GAB1: variants seen among roughly 807,000 people sequenced by gnomAD.
GAB1 encodes the protein GRB2-associated-binding protein 1.
In GAB1, 19 loss-of-function variants were observed where a neutral mutation model predicts 66.5. The ratio of observed to expected loss-of-function variants is 0.29; its 90% CI spans 0.20 to 0.42. The LOEUF is 0.42. Among genes scored for constraint, GAB1 ranks in the 10% least tolerant of loss-of-function variants. The pLI is 1.00. For synonymous variants in GAB1, 294 were observed against 301.4 expected (o/e 0.98, Z 0.25); for missense variants, 732 against 858.5 (o/e 0.85, Z 1.84).
chr4:143,338,167 C>T (rs1348055129), intron 1 of GAB1, among the ~76,000 whole-genome samples: 2 of 152,150 alleles, frequency 1.3e-5, no homozygotes, highest in Non-Finnish European at 2.9e-5. Flanking sequence ...AAACCTGTGT[C>T]CTCTTCAGAG....
At chr4:143,433,770 C>T in intron 3 of GAB1, 54 bp downstream of exon 3, 7 of 1,363,506 alleles carry the variant, frequency 5.1e-6, no homozygotes, top group South Asian at 4.7e-5. Flanking sequence ...TATGTGTGTA[C>T]ACACTGAGAT....
At chr4:143,352,145 T>C (rs937002289) in intron 1 of GAB1, among the ~76,000 whole-genome samples, 3 of 152,188 alleles carry the variant, frequency 2.0e-5, no homozygotes, top group African/African-American at 7.2e-5. Flanking sequence ...GTACAGCCAA[T>C]TGTTGTCTGG....
chr4:143,459,601 G>A, intron 7 of GAB1, 123 bp downstream of exon 7: 1 of 698,702 alleles, frequency 1.4e-6, no homozygotes, highest in Non-Finnish European at 2.5e-6. Flanking sequence ...CCCCCTTTTT[G>A]GGGGTTCTGT....
intron 1 of GAB1, chr4:143,395,064 G>T (rs1014035690): frequency 6.6e-6 from 1 of 152,204 alleles, no homozygotes; most frequent in Non-Finnish European, 1.5e-5. Flanking sequence ...TAGGGACTGT[G>T]TTAAGAATAG....
At chr4:143,462,691 C>T (rs891523638) in intron 8 of GAB1, among the ~76,000 whole-genome samples, 2 of 151,590 alleles carry the variant, frequency 1.3e-5, no homozygotes, top group African/African-American at 2.4e-5. Flanking sequence ...GACAGATTCT[C>T]TTTCTGTCAC....
At chr4:143,461,802 A>G (rs1335572623) in intron 8 of GAB1, among the ~76,000 whole-genome samples, 2 of 152,306 alleles carry the variant, frequency 1.3e-5, no homozygotes, top group East Asian at 3.9e-4. Flanking sequence ...CCCTATTTAG[A>G]GGTATAAAAT....
intron 6 of GAB1, among the ~76,000 whole-genome samples, chr4:143,453,250 A>G (rs543804591): frequency 1.3e-5 from 2 of 152,286 alleles, no homozygotes; most frequent in South Asian, 4.2e-4. Flanking sequence ...CTTTGCACAG[A>G]GTAGAAAATA....
At position 143,455,522 on chromosome 4, in the gene GAB1, G is replaced by A. The variant is rs530396290; in HGVS notation, c.1586-3863G>A. Among the ~76,000 whole-genome samples, 78 of 152,306 alleles carry A rather than the reference G, an allele frequency of 5.1e-4. 1 individual carries two copies. Among genetic ancestry groups the A allele is most frequent in the Middle Eastern group, 6.8e-3 (2 of 294 alleles). ...AAAAAAATCAGGAGGGAGCTGGAGA[G>A]CTAATGAAAACGGATCTTTCAGACA... On this transcript the variant is annotated intron_variant, in intron 6 of 9. Coordinates refer to ENST00000262994, the MANE Select transcript of GAB1 (RefSeq NM_002039.4).
chr4:143,416,242 A>T (rs1732677081), intron 2 of GAB1, among the ~76,000 whole-genome samples: 1 of 152,024 alleles, frequency 6.6e-6, no homozygotes, highest in African/African-American at 2.4e-5. Flanking sequence ...TGTCTCTACT[A>T]AAAATACAAA....
In GAB1 at chr4:143,473,019, A is replaced by G. The variant is rs1446582861; in HGVS notation, c.*3830A>G. 2.6e-5 allele frequency: 4 copies of G among 152,202 alleles called. No individual in the cohort carries two copies. Among genetic ancestry groups the G allele is most frequent in the Non-Finnish European group, 5.9e-5 (4 of 68,036 alleles). The allele number at this position is 152,202 out of a possible 1,614,324, so 9.4% of individuals were successfully genotyped here. A position where few individuals can be genotyped will look rare whatever the true frequency, so the allele number is the denominator to read the frequency against. On this transcript the variant is annotated 3_prime_UTR_variant, in exon 10 of 10. Transcript: ENST00000262994. ...ATAGTTCATGCATTACTACAGTTAA[A>G]AATAGTTTCATTTGTCTTCTATAGA...
intron 2 of GAB1, among the ~76,000 whole-genome samples, chr4:143,423,619 A>G (rs1186817138): frequency 6.6e-6 from 1 of 151,248 alleles, no homozygotes; most frequent in Non-Finnish European, 1.5e-5. Flanking sequence ...TACTAAAAAT[A>G]CAAAAAAATT....
chr4:143,368,746 C>A (rs1729989918), intron 1 of GAB1, among the ~76,000 whole-genome samples: 1 of 152,134 alleles, frequency 6.6e-6, no homozygotes, highest in Non-Finnish European at 1.5e-5. Flanking sequence ...CGATACAAGG[C>A]TGTATAAAGA....
rs557845387 is a variant in GAB1 at position 143,412,229 on chromosome 4, G to A, written c.73-3248G>A. 1.2e-4 allele frequency among the ~76,000 whole-genome samples: 18 copies of A among 152,308 alleles called. No homozygotes were observed. In the South Asian group the frequency reaches 3.7e-3, roughly 32 times the overall value. On this transcript the variant is annotated intron_variant, in intron 1 of 9. Coordinates refer to ENST00000262994, the MANE Select transcript of GAB1 (RefSeq NM_002039.4). ...GAGTGACACATAAGCTGTAGCAAAA[G>A]GACATGTTCTGTGCTTTTCTGTTTT...
rs1226624233 is a variant in GAB1 at position 143,471,483 on chromosome 4, A to C, written c.*2294A>C. The stretch of plus-strand genomic sequence containing the variant: ...CCAATACATAAAGCCTGAAAACTCA[A>C]TTTTATCAATATAAATGTATTTTGG... On this transcript the variant is annotated 3_prime_UTR_variant, in exon 10 of 10. Transcript: ENST00000262994. 6.6e-6 allele frequency: 1 copy of C among 152,202 alleles called. No individual in the cohort carries two copies. Among genetic ancestry groups the C allele is most frequent in the Admixed American group, 6.5e-5 (1 of 15,278 alleles). The allele number at this position is 152,202 out of a possible 1,614,324, so 9.4% of individuals were successfully genotyped here. A position where few individuals can be genotyped will look rare whatever the true frequency, so the allele number is the denominator to read the frequency against.
In GAB1 at chr4:143,433,613, C is replaced by T; in HGVS notation, c.490C>T (p.Leu164=). Residue 164 remains leucine, a synonymous_variant, in exon 3 of 10, where the codon CTA becomes TTA. Transcript: ENST00000262994. ...SSATLPPPYQ[L]INVPPHLETL... is the part of the protein sequence containing the mutation. ...TGCTACTCTACCTCCTCCATATCAG[C>T]TAATCAATGTTCCACCACACCTGGA... The T allele has an allele frequency of 6.2e-7, 1 of 1,613,902 alleles. No individual in the cohort carries two copies. Among genetic ancestry groups the T allele is most frequent in the Non-Finnish European group, 8.5e-7 (1 of 1,179,830 alleles).
chr4:143,457,475 T>C (rs1162468640), intron 6 of GAB1, among the ~76,000 whole-genome samples: 1 of 152,128 alleles, frequency 6.6e-6, no homozygotes, highest in East Asian at 1.9e-4. Flanking sequence ...TGCATGTAAA[T>C]TCCTCTTTTC....
intron 2 of GAB1, chr4:143,425,004 A>G (rs1733254184): frequency 1.4e-6 from 1 of 701,726 alleles, no homozygotes; most frequent in South Asian, 1.5e-5. Flanking sequence ...AGGGGTCCAT[A>G]CGGCGTTGTT....
At position 143,473,751 on chromosome 4, in the gene GAB1, A is replaced by G. The variant is rs961633351; in HGVS notation, c.*4562A>G. 6 of 152,212 alleles carry G rather than the reference A, an allele frequency of 3.9e-5. No homozygotes were observed. The highest frequency in any genetic ancestry group is 1.4e-4 in the African/African-American group (6 of 41,472). The allele number at this position is 152,212 out of a possible 1,614,324, so 9.4% of individuals were successfully genotyped here. ...TTTCATTTCTATGAAAGTTTCAAAC[A>G]TCTCCAGTACTTTATAAAATCCCAA... is the stretch of plus-strand genomic sequence containing the variant. On this transcript the variant is annotated 3_prime_UTR_variant, in exon 10 of 10. Transcript: ENST00000262994.
intron 8 of GAB1, among the ~76,000 whole-genome samples, chr4:143,461,798 T>G (rs1266439857): frequency 6.6e-6 from 1 of 152,168 alleles, no homozygotes; most frequent in African/African-American, 2.4e-5. Flanking sequence ...ACAGCCCTAT[T>G]TAGAGGTATA....
Sources: gnomAD v4.1 joint callset for allele counts (sites outside exome capture counted in the v4.1 genomes callset) on GRCh38, gnomAD v4.1.1 for gene constraint, MANE v1.5 for transcripts, NCBI Gene and HGNC (gene_info 2026-07-23, HGNC 2026-07-21) for gene names.